The following EHF variants were observed in gnomAD, a reference collection of about 807,000 sequenced individuals.
EHF encodes ESE3 transcription factor.
EHF carries 14 observed loss-of-function variants against 45.1 expected under a neutral mutation model. The ratio of observed to expected loss-of-function variants is 0.31; its 90% confidence interval spans 0.21 to 0.49. The LOEUF (loss-of-function observed/expected upper bound fraction) is 0.49. EHF is among the 20% of genes least tolerant of loss of function. EHF has a pLI of 0.99. For missense variants in EHF, 282 were observed against 371.4 expected, an observed-to-expected ratio of 0.76 and a Z score of 1.98; for synonymous variants, 136 against 131.8, an observed-to-expected ratio of 1.03 and a Z score of -0.22.
chr11:34,628,262 ACT>A (rs1852547709), intron 1 of EHF, among the ~76,000 whole-genome samples: 1 of 151,970 alleles, frequency 6.6e-6, no homozygotes. Flanking sequence ...ATAAAAAAAA[ACT>A]CTGTAATTAC....
chr11:34,658,972 A>G lies in EHF; in HGVS notation c.*41A>G, dbSNP rs776253365. On this transcript the variant is annotated 3_prime_UTR_variant, in exon 9 of 9. Transcript: ENST00000257831. ...GGACACAAACCAAAACACACACCAA[A>G]TAATCAGAAACAAAGAACTCCTGGA... 4 of 1,467,558 alleles carry G rather than the reference A, an allele frequency of 2.7e-6. No individual in the cohort carries two copies. In the Admixed American group the frequency reaches 5.9e-5, roughly 22 times the overall value. 90.9% of individuals were successfully genotyped at this position (1,467,558 alleles called of 1,614,324 possible).
At chr11:34,657,654 G>T (rs1442771767) in intron 7 of EHF, among the ~76,000 whole-genome samples, 1 of 151,880 alleles carries the variant, frequency 6.6e-6, no homozygotes, top group African/African-American at 2.4e-5. Context: ...GCTGGGCATG[G>T]TGGCACGTGC....
intron 1 of EHF, among the ~76,000 whole-genome samples, chr11:34,629,147 A>G (rs951309627): frequency 6.6e-6 from 1 of 152,034 alleles, no homozygotes; most frequent in Admixed American, 6.6e-5. Flanking sequence ...AGGAGGGAGG[A>G]TGTCGTTTTT....
At chr11:34,646,064 GTGTA>G (rs1383766513) in intron 2 of EHF, among the ~76,000 whole-genome samples, 3 of 138,348 alleles carry the variant, frequency 2.2e-5, no homozygotes, top group Admixed American at 7.0e-5. Context: ...GTGTGTGTGT[GTGTA>G]TGTATAAGAG....
intron 1 of EHF, among the ~76,000 whole-genome samples, chr11:34,626,503 A>C (rs1369840119): frequency 6.6e-6 from 1 of 152,226 alleles, no homozygotes; most frequent in Admixed American, 6.5e-5. Flanking sequence ...CAATCTTGTC[A>C]TGATTTCATC....
In EHF at chr11:34,658,977, C is replaced by A; in HGVS notation, c.*46C>A. ...CAAACCAAAACACACACCAAATAAT[C>A]AGAAACAAAGAACTCCTGGACGTAA... On this transcript the variant is annotated 3_prime_UTR_variant, in exon 9 of 9. Transcript: ENST00000257831. The A allele has an allele frequency of 6.9e-7, 1 of 1,442,786 alleles. No homozygotes were observed. Among genetic ancestry groups the A allele is most frequent in the Non-Finnish European group, 9.6e-7 (1 of 1,046,298 alleles). The allele number at this position is 1,442,786 out of a possible 1,614,324, so 89.4% of individuals were successfully genotyped here.
At chr11:34,633,725 T>C (rs1853121730) in intron 1 of EHF, among the ~76,000 whole-genome samples, 1 of 152,172 alleles carries the variant, frequency 6.6e-6, no homozygotes, top group African/African-American at 2.4e-5. Flanking sequence ...TGTTTTACAA[T>C]CTGAAGCTTG....
rs575588324 is a variant in EHF, at chr11:34,646,593, C to T, written c.252C>T (p.His84=). The T allele has an allele frequency of 1.5e-5, 24 of 1,613,762 alleles. No individual in the cohort carries two copies. In the South Asian group the frequency reaches 2.2e-4, roughly 15 times the overall value. The change falls in exon 3 of 9, where the codon CAC becomes CAT. Residue 84 remains histidine, a synonymous_variant. Transcript: ENST00000257831. The part of the protein sequence containing the change: ...PFQEFDINGE[H]LCSMSLQEFT... The stretch of plus-strand genomic sequence containing the variant: ...AAGAGTTCGACATCAACGGCGAGCA[C>T]CTCTGCAGCATGAGTTTGCAGGAGT...
intron 1 of EHF, among the ~76,000 whole-genome samples, chr11:34,631,918 C>G (rs1439286937): frequency 6.6e-6 from 1 of 152,190 alleles, no homozygotes; most frequent in East Asian, 1.9e-4. Context: ...TGATCTGAAC[C>G]TGGGCTGGCT....
At chr11:34,650,340 G>C (rs555265919) in intron 4 of EHF, among the ~76,000 whole-genome samples, 2 of 152,296 alleles carry the variant, frequency 1.3e-5, no homozygotes, top group African/African-American at 4.8e-5. Flanking sequence ...CTTTGGTTCA[G>C]TTTGTTTTCA....
chr11:34,647,096 C>CA (rs1267469366), intron 3 of EHF, among the ~76,000 whole-genome samples: 1 of 142,926 alleles, frequency 7.0e-6, no homozygotes, highest in African/African-American at 2.6e-5. Context: ...CCCCCCCACA[C>CA]ACACACACAA....
chr11:34,621,430 T>C (rs182794054), intron 1 of EHF, among the ~76,000 whole-genome samples: 1 of 151,002 alleles, frequency 6.6e-6, no homozygotes, highest in Non-Finnish European at 1.5e-5. Flanking sequence ...CTACTTTGGA[T>C]ATTATCTGTG....
At chr11:34,646,166 G>A (rs149858534) in intron 2 of EHF, among the ~76,000 whole-genome samples, 7 of 151,836 alleles carry the variant, frequency 4.6e-5, no homozygotes, top group Non-Finnish European at 7.4e-5. Flanking sequence ...TGAAATGATA[G>A]CAATGCTCTA....
intron 4 of EHF, 88 bp downstream of exon 4, chr11:34,649,169 C>A: frequency 7.3e-7 from 1 of 1,375,296 alleles, no homozygotes; most frequent in South Asian, 1.2e-5. Context: ...AATGTGGGGG[C>A]AAGTTTTTGC....
At chr11:34,623,702 C>T (rs1418266331) in intron 1 of EHF, among the ~76,000 whole-genome samples, 1 of 152,186 alleles carries the variant, frequency 6.6e-6, no homozygotes, top group Non-Finnish European at 1.5e-5. Flanking sequence ...CCAAAGTTCA[C>T]TTCTGAGGAA....
chr11:34,645,897 G>A (rs1341810495), intron 2 of EHF, among the ~76,000 whole-genome samples: 1 of 152,130 alleles, frequency 6.6e-6, no homozygotes, highest in Non-Finnish European at 1.5e-5. Flanking sequence ...TGACTAGGCT[G>A]GGGCAGTGGG....
At chr11:34,651,944 C>A in intron 6 of EHF, 139 bp downstream of exon 6, 1 of 827,234 alleles carries the variant, frequency 1.2e-6, no homozygotes, top group Non-Finnish European at 1.8e-6. Flanking sequence ...TACCATTAGA[C>A]GAGGTTTGCT....
intron 6 of EHF, 150 bp from the exon 7 acceptor site, chr11:34,656,758 C>A: frequency 2.6e-6 from 2 of 766,182 alleles, no homozygotes; most frequent in Admixed American, 2.8e-5. Flanking sequence ...CATTTATCAT[C>A]TCTGTTTTGT....
intron 1 of EHF, among the ~76,000 whole-genome samples, chr11:34,640,518 G>T (rs1853883017): frequency 6.6e-6 from 1 of 152,154 alleles, no homozygotes; most frequent in Non-Finnish European, 1.5e-5. Context: ...GCCCAGCCTT[G>T]AGCAAACAAG....
Sources: gnomAD v4.1 joint callset for allele counts (sites outside exome capture counted in the v4.1 genomes callset) on GRCh38, gnomAD v4.1.1 for gene constraint, MANE v1.5 for transcripts, NCBI Gene and HGNC (gene_info 2026-07-23, HGNC 2026-07-21) for gene names.